The following IL1RAPL2 variants were observed in gnomAD, a reference collection of about 807,000 sequenced individuals.
IL1RAPL2 encodes interleukin 1 receptor accessory protein like 2.
Under a neutral mutation model 44.1 loss-of-function variants are expected in IL1RAPL2, and 3 were observed. The ratio of observed to expected loss-of-function variants is 0.07; its 90% confidence interval spans 0.03 to 0.18. The LOEUF is 0.18. Ranked by LOEUF, IL1RAPL2 falls within the 10% of genes least tolerant of loss-of-function variation. The probability of loss-of-function intolerance (pLI) is 1.00; values close to 1 mark genes in which losing one functional copy is unlikely to be tolerated. For synonymous variants in IL1RAPL2, 181 were observed against 178.8 expected (o/e 1.01, Z -0.10); for missense variants, 391 against 496.4 (o/e 0.79, Z 2.02).
intron 6 of IL1RAPL2, among the ~76,000 whole-genome samples, chrX:105,564,708 C>T (rs1408240808): frequency 8.9e-6 from 1 of 111,775 alleles, no homozygotes; most frequent in African/African-American, 3.3e-5. Flanking sequence ...TACACTGTAG[C>T]CTCTGTGTGG....
intron 2 of IL1RAPL2, among the ~76,000 whole-genome samples, chrX:104,954,355 T>G (rs1413063791): frequency 2.7e-5 from 3 of 112,061 alleles, no homozygotes; most frequent in African/African-American, 9.7e-5. Flanking sequence ...ATATGATCAA[T>G]TCAATTCATT....
At position 105,205,587 on chromosome X, in the gene IL1RAPL2, TAAAAAAAAAAAAAAAAAAAAAAAAAAA is replaced by T. The variant is rs375473348; in HGVS notation, c.356+9851_356+9877del. Among the ~76,000 whole-genome samples, 2 of 8,212 alleles carry T rather than the reference TAAAAAAAAAAAAAAAAAAAAAAAAAAA, an allele frequency of 2.4e-4. 1 individual carries two copies. Among genetic ancestry groups the T allele is most frequent in the South Asian group, 0.062 (2 of 32 alleles). The allele number at this position is 8,212 out of a possible 115,157, so 7.1% of individuals were successfully genotyped here. On this transcript the variant is annotated intron_variant, in intron 3 of 10. Coordinates refer to ENST00000372582, the MANE Select transcript of IL1RAPL2 (RefSeq NM_017416.2). ...CCTCGGCGACAGAGCAAGACTCTGT[TAAAAAAAAAAAAAAAAAAAAAAAAAAA>T]AAAAAAAAAAAGTGCTAAAGAAGGG...
rs528026881 is a variant in IL1RAPL2 at position 105,089,509 on chromosome X, C to A, written c.83-105966C>A. ...CTTCTACGTCAATGCCCTAAAAAAG[C>A]CTGCACTCCCCTTCCCCACCTCATT... On this transcript the variant is annotated intron_variant, in intron 2 of 10. Coordinates refer to ENST00000372582, the MANE Select transcript of IL1RAPL2 (RefSeq NM_017416.2). Among the ~76,000 whole-genome samples, 4 of 110,753 alleles carry A rather than the reference C, an allele frequency of 3.6e-5. No homozygotes were observed. In the South Asian group the frequency reaches 1.5e-3, roughly 43 times the overall value.
chrX:105,439,422 T>C (rs1240956302), intron 5 of IL1RAPL2, among the ~76,000 whole-genome samples: 4 of 109,923 alleles, frequency 3.6e-5, no homozygotes, highest in Non-Finnish European at 5.7e-5. Flanking sequence ...TTTGGCATTT[T>C]TTTTAGACTC....
intron 2 of IL1RAPL2, among the ~76,000 whole-genome samples, chrX:104,735,605 C>T (rs982550760): frequency 2.7e-5 from 3 of 111,351 alleles, no homozygotes; most frequent in Admixed American, 9.6e-5. Context: ...TAGTGTCAAG[C>T]GCATCCCACA....
intron 7 of IL1RAPL2, among the ~76,000 whole-genome samples, chrX:105,722,552 T>G (rs1040951189): frequency 1.8e-5 from 2 of 111,499 alleles, no homozygotes; most frequent in African/African-American, 6.5e-5. Flanking sequence ...CAAGAGAAGA[T>G]TCACATTTTT....
intron 5 of IL1RAPL2, among the ~76,000 whole-genome samples, chrX:105,419,862 C>A (rs1817841806): frequency 9.0e-6 from 1 of 111,526 alleles, no homozygotes; most frequent in African/African-American, 3.3e-5. Flanking sequence ...TCTTGTCAGT[C>A]TTTTTTTGTA....
At chrX:104,926,528 AT>A (rs1370108105) in intron 2 of IL1RAPL2, among the ~76,000 whole-genome samples, 1 of 111,872 alleles carries the variant, frequency 8.9e-6, no homozygotes, top group Non-Finnish European at 1.9e-5. Flanking sequence ...ATTGTCCTGA[AT>A]TTGGCCAGTC....
At chrX:105,188,291 G>A (rs1467608315) in intron 2 of IL1RAPL2, among the ~76,000 whole-genome samples, 7 of 110,922 alleles carry the variant, frequency 6.3e-5, no homozygotes, top group Non-Finnish European at 1.3e-4. Flanking sequence ...TGGATTTGAA[G>A]GGACAGTAGA....
At chrX:104,730,360 C>A (rs774768981) in intron 2 of IL1RAPL2, among the ~76,000 whole-genome samples, 1 of 80,216 alleles carries the variant, frequency 1.2e-5, no homozygotes, top group East Asian at 4.7e-4. Flanking sequence ...TCTCCTAATG[C>A]TATCCCTCCC....
At chrX:105,489,758 C>CTT (rs1556336665) in intron 6 of IL1RAPL2, among the ~76,000 whole-genome samples, 2 of 94,096 alleles carry the variant, frequency 2.1e-5, no homozygotes, top group African/African-American at 8.3e-5. Context: ...TTCTTTCTTT[C>CTT]TCTTTCTTTC....
intron 2 of IL1RAPL2, among the ~76,000 whole-genome samples, chrX:104,823,641 T>C (rs1387363046): frequency 9.2e-6 from 1 of 109,189 alleles, no homozygotes; most frequent in Non-Finnish European, 1.9e-5. Context: ...GGTCAAATGG[T>C]ATTTCCAGTT....
intron 6 of IL1RAPL2, among the ~76,000 whole-genome samples, chrX:105,698,254 G>A (rs184404913): frequency 9.0e-6 from 1 of 111,354 alleles, no homozygotes; most frequent in Non-Finnish European, 1.9e-5. Flanking sequence ...TTCAGAGGTC[G>A]ATTTGCAATG....
intron 2 of IL1RAPL2, among the ~76,000 whole-genome samples, chrX:104,685,928 A>C (rs1369545777): frequency 9.1e-6 from 1 of 109,547 alleles, no homozygotes; most frequent in Admixed American, 9.8e-5. Flanking sequence ...ACTCTGTCTC[A>C]AAATAAATAA....
At position 105,628,575 on chromosome X, in the gene IL1RAPL2, A is replaced by G. The variant is rs768029509; in HGVS notation, c.773-88792A>G. On this transcript the variant is annotated intron_variant, in intron 6 of 10. Transcript: ENST00000372582. ...AGGGAGAATTCCCAAGAAAAAAGAA[A>G]GACACATTTATAAATTAGAAAGATT... is the stretch of plus-strand genomic sequence containing the variant. Among the ~76,000 whole-genome samples, 3 of 112,752 alleles carry G rather than the reference A, an allele frequency of 2.7e-5. No homozygotes were observed. In the East Asian group the frequency reaches 8.4e-4, roughly 32 times the overall value.
At chrX:105,033,629 C>A (rs1447784024) in intron 2 of IL1RAPL2, among the ~76,000 whole-genome samples, 1 of 111,599 alleles carries the variant, frequency 9.0e-6, no homozygotes, top group Non-Finnish European at 1.9e-5. Flanking sequence ...GTGTGTAACC[C>A]AATCTTTCTC....
intron 2 of IL1RAPL2, among the ~76,000 whole-genome samples, chrX:104,927,366 C>T (rs1466250664): frequency 9.0e-6 from 1 of 111,266 alleles, no homozygotes; most frequent in Non-Finnish European, 1.9e-5. Context: ...TTCTCTATCA[C>T]CTTGTATTGT....
Position 105,519,300 on chromosome X carries a change from C to A in IL1RAPL2, c.772+34913C>A, listed in dbSNP as rs189383389. Among the ~76,000 whole-genome samples, 31 of 111,857 alleles carry A rather than the reference C, an allele frequency of 2.8e-4. No individual in the cohort carries two copies. The Admixed American group carries it at 2.9e-3, about 10-fold the overall frequency. On this transcript the variant is annotated intron_variant, in intron 6 of 10. Coordinates refer to ENST00000372582, the MANE Select transcript of IL1RAPL2 (RefSeq NM_017416.2). The stretch of plus-strand genomic sequence containing the variant: ...TTGAAGATTCTGTCAAGAAGTCTCC[C>A]CAGATATCTCCAACACAACTTGTAG...
chrX:104,657,339 C>T (rs1930288391), intron 1 of IL1RAPL2, among the ~76,000 whole-genome samples: 1 of 110,852 alleles, frequency 9.0e-6, no homozygotes, highest in African/African-American at 3.3e-5. Flanking sequence ...ACCATCTGAT[C>T]TTTGACAAAC....
Sources: allele counts gnomAD v4.1 joint callset (sites outside exome capture counted in the v4.1 genomes callset), GRCh38; gene constraint gnomAD v4.1.1; transcripts MANE v1.5; gene names NCBI Gene and HGNC (gene_info 2026-07-23, HGNC 2026-07-21).